Variants in EVI5 observed in about 807,000 individuals in gnomAD.
EVI5 encodes the protein ecotropic viral integration site 5 protein homolog.
A neutral mutation model predicts 112.0 loss-of-function variants in EVI5; 73 were observed. That is an observed-to-expected ratio of 0.65 (90% confidence interval 0.54 to 0.79). The LOEUF (loss-of-function observed/expected upper bound fraction) is 0.79, where lower values mean the gene tolerates loss of function less well. Among genes scored for constraint, EVI5 ranks in the 30% least tolerant of loss-of-function variants. The probability of loss-of-function intolerance (pLI) is 0.00; values close to 1 mark genes in which losing one functional copy is unlikely to be tolerated. For missense variants in EVI5, 900 were observed against 968.8 expected (o/e 0.93, Z 0.94); for synonymous variants, 305 against 319.9 (o/e 0.95, Z 0.50).
intron 19 of EVI5, among the ~76,000 whole-genome samples, chr1:92,546,005 G>C (rs1011307342): frequency 1.3e-5 from 2 of 151,950 alleles, no homozygotes; most frequent in Admixed American, 6.6e-5. Context: ...CTAGGCCATG[G>C]TGCCGTGTGA....
At chr1:92,555,496 G>C (rs2100805718) in intron 19 of EVI5, among the ~76,000 whole-genome samples, 1 of 152,218 alleles carries the variant, frequency 6.6e-6, no homozygotes, top group South Asian at 2.1e-4. Flanking sequence ...TGTAAACTAG[G>C]TAACATACTT....
Position 92,513,986 on chromosome 1 carries a change from C to A in EVI5, c.2167-16G>T. ...GGCACCTGAGCTGTTAAAACAAAAT[C>A]CAAGTTAATACAGTCAAATGGGGGA... On this transcript the variant is annotated splice_polypyrimidine_tract_variant and intron_variant, in intron 19 of 19. Coordinates refer to ENST00000684568, the MANE Select transcript of EVI5 (RefSeq NM_001350197.2). The A allele has an allele frequency of 6.7e-7, 1 of 1,501,152 alleles. No homozygotes were observed. Among genetic ancestry groups the A allele is most frequent in the Non-Finnish European group, 9.0e-7 (1 of 1,112,304 alleles). The allele number at this position is 1,501,152 out of a possible 1,614,324, so 93.0% of individuals were successfully genotyped here.
At chr1:92,669,558 A>AAAAAAAAAAAAAAAAAAAAAAAAAAAAC (rs1414775378) in intron 10 of EVI5, among the ~76,000 whole-genome samples, 2 of 150,418 alleles carry the variant, frequency 1.3e-5, no homozygotes, top group East Asian at 1.9e-4. Flanking sequence ...AAAAAAAAAA[A>AAAAAAAAAAAAAAAAAAAAAAAAAAAAC]AAATCACTGG....
chr1:92,723,837 G>A (rs1199254435), intron 2 of EVI5, among the ~76,000 whole-genome samples: 1 of 152,138 alleles, frequency 6.6e-6, no homozygotes, highest in East Asian at 1.9e-4. Flanking sequence ...GAATAACCCT[G>A]GGGAAGGAAT....
chr1:92,653,914 T>C (rs1662578297), intron 13 of EVI5, among the ~76,000 whole-genome samples: 1 of 152,084 alleles, frequency 6.6e-6, no homozygotes, highest in South Asian at 2.1e-4. Flanking sequence ...GACAGGGGCA[T>C]GACAGGGAGA....
chr1:92,601,768 T>C (rs576255246), intron 18 of EVI5, among the ~76,000 whole-genome samples: 1 of 152,326 alleles, frequency 6.6e-6, no homozygotes, highest in East Asian at 1.9e-4. Flanking sequence ...TTTTCAAAAA[T>C]AATGTAACAC....
At chr1:92,647,706 G>T in intron 13 of EVI5, 1 of 255,902 alleles carries the variant, frequency 3.9e-6, no homozygotes, top group Non-Finnish European at 7.9e-6. Context: ...GGGGCAGGAA[G>T]GGTGCTTGGA....
At chr1:92,562,709 T>C (rs1668819735) in intron 19 of EVI5, among the ~76,000 whole-genome samples, 1 of 152,198 alleles carries the variant, frequency 6.6e-6, no homozygotes, top group African/African-American at 2.4e-5. Context: ...TTGTTTCTTC[T>C]TCATTTAGAA....
At chr1:92,560,790 C>T (rs1421856070) in intron 19 of EVI5, among the ~76,000 whole-genome samples, 3 of 151,972 alleles carry the variant, frequency 2.0e-5, no homozygotes, top group Admixed American at 1.3e-4. Flanking sequence ...GTCTCGAACT[C>T]CTGGGCTAAA....
intron 12 of EVI5, 93 bp from the exon 13 acceptor site, chr1:92,662,958 A>T (rs902764180): frequency 2.1e-5 from 4 of 194,292 alleles, no homozygotes; most frequent in Non-Finnish European, 1.7e-5. Flanking sequence ...TTGACATGTT[A>T]AAAAAAAAAA....
chr1:92,626,234 C>A (rs139266738), intron 14 of EVI5, among the ~76,000 whole-genome samples: 27 of 152,280 alleles, frequency 1.8e-4, no homozygotes, highest in Non-Finnish European at 2.9e-4. Flanking sequence ...CATCCCCTGG[C>A]AACCACCAAT....
intron 10 of EVI5, among the ~76,000 whole-genome samples, chr1:92,671,804 CTTT>C (rs543142314): frequency 7.1e-6 from 1 of 141,712 alleles, no homozygotes; most frequent in Non-Finnish European, 1.5e-5. Flanking sequence ...CCACCATCAT[CTTT>C]TTTTTTTTTT....
chr1:92,713,080 G>T (rs1673082501), intron 2 of EVI5, among the ~76,000 whole-genome samples: 1 of 151,806 alleles, frequency 6.6e-6, no homozygotes, highest in South Asian at 2.1e-4. Flanking sequence ...GAGCCACCAG[G>T]CCCAGCCTGA....
intron 12 of EVI5, among the ~76,000 whole-genome samples, 182 bp downstream of exon 12, chr1:92,663,237 TA>T (rs1457427519): frequency 6.6e-6 from 1 of 152,164 alleles, no homozygotes; most frequent in Non-Finnish European, 1.5e-5. Context: ...CGTGCAAAAA[TA>T]AACCAAGATA....
At chr1:92,620,414 A>C (rs1654278955) in intron 16 of EVI5, among the ~76,000 whole-genome samples, 2 of 151,294 alleles carry the variant, frequency 1.3e-5, no homozygotes, top group South Asian at 4.2e-4. Flanking sequence ...ACACAAATCT[A>C]TAAATCAAAG....
At chr1:92,682,393 T>C (rs1222651499) in intron 9 of EVI5, among the ~76,000 whole-genome samples, 2 of 152,178 alleles carry the variant, frequency 1.3e-5, no homozygotes, top group Non-Finnish European at 2.9e-5. Context: ...ATTCTGTCAG[T>C]CTTCTGTATT....
chr1:92,536,488 T>G (rs1213845827), intron 19 of EVI5, among the ~76,000 whole-genome samples: 1 of 152,220 alleles, frequency 6.6e-6, no homozygotes, highest in Non-Finnish European at 1.5e-5. Flanking sequence ...AGATTACAGC[T>G]ATTCCACGCA....
At chr1:92,652,664 T>C (rs1197828785) in intron 13 of EVI5, among the ~76,000 whole-genome samples, 1 of 152,114 alleles carries the variant, frequency 6.6e-6, no homozygotes, top group Non-Finnish European at 1.5e-5. Flanking sequence ...GACAAACGGA[T>C]AAGGGAAATG....
intron 16 of EVI5, among the ~76,000 whole-genome samples, chr1:92,615,923 AT>A (rs1653025824): frequency 6.6e-6 from 1 of 152,200 alleles, no homozygotes; most frequent in Non-Finnish European, 1.5e-5. Context: ...TATTAAGGGT[AT>A]GGGATAATGG....
Sources: allele counts gnomAD v4.1 joint callset (sites outside exome capture counted in the v4.1 genomes callset), GRCh38; gene constraint gnomAD v4.1.1; transcripts MANE v1.5; gene names NCBI Gene and HGNC (gene_info 2026-07-23, HGNC 2026-07-21).